UNC13C: variants seen among roughly 807,000 people sequenced by gnomAD.
UNC13C encodes the protein unc-13 homolog C, also known as protein unc-13 homolog C.
A neutral mutation model predicts 245.4 loss-of-function variants in UNC13C; 174 were observed. The observed-to-expected ratio is 0.71, with a 90% CI of 0.63 to 0.80. The LOEUF (loss-of-function observed/expected upper bound fraction) is 0.80, where lower values mean the gene tolerates loss of function less well. UNC13C is among the 30% of genes least tolerant of loss of function. The probability of loss-of-function intolerance (pLI) is 0.00; values close to 1 mark genes in which losing one functional copy is unlikely to be tolerated. For synonymous variants in UNC13C, 992 were observed against 895.1 expected, an observed-to-expected ratio of 1.11 and a Z score of -1.93; for missense variants, 2,829 against 2,602.9, an observed-to-expected ratio of 1.09 and a Z score of -1.89.
chr15:54,232,388 G>A (rs1488196074), intron 4 of UNC13C, among the ~76,000 whole-genome samples: 1 of 152,084 alleles, frequency 6.6e-6, no homozygotes, highest in Non-Finnish European at 1.5e-5. Context: ...TTTGTCCTAG[G>A]TCCTTGGATA....
At chr15:54,553,038 A>G (rs1395084504) in intron 28 of UNC13C, among the ~76,000 whole-genome samples, 1 of 101,360 alleles carries the variant, frequency 9.9e-6, no homozygotes, top group Admixed American at 1.5e-4. Context: ...AATATATAAT[A>G]TATATTGTAT....
In UNC13C at chr15:54,015,185, G is replaced by A. The variant is rs373845201; in HGVS notation, c.2282G>A (p.Arg761Gln). 3.8e-4 allele frequency: 614 copies of A among 1,612,630 alleles called. No individual in the cohort carries two copies. The highest frequency in any genetic ancestry group is 4.9e-4 in the Non-Finnish European group (582 of 1,179,458). ...QNQNQLSMMY[R>Q]SQSELQSDDS... The stretch of plus-strand genomic sequence containing the variant: ...CAAAACCAGTTGTCCATGATGTATC[G>A]AAGTCAAAGTGAATTGCAAAGTGAT... The change falls in exon 2 of 33, where the codon CGA (arginine) becomes CAA (glutamine). Residue 761 changes from arginine to glutamine, a missense_variant. Coordinates refer to ENST00000260323, the MANE Select transcript of UNC13C (RefSeq NM_001080534.3).
intron 4 of UNC13C, among the ~76,000 whole-genome samples, chr15:54,221,106 T>C (rs1475397199): frequency 6.6e-6 from 1 of 152,038 alleles, no homozygotes; most frequent in Non-Finnish European, 1.5e-5. Context: ...ATATTTTCCC[T>C]TCATGTATTG....
chr15:54,049,479 A>G (rs187177786), intron 2 of UNC13C: 21 of 373,604 alleles, frequency 5.6e-5, no homozygotes, highest in Admixed American at 5.4e-4. Flanking sequence ...CTAAGTGTGC[A>G]GAGTTCAAAG....
chr15:54,104,688 G>GTT lies in UNC13C; in HGVS notation c.2984-38321_2984-38320dup, dbSNP rs35275247. Among the ~76,000 whole-genome samples, 58 of 150,154 alleles carry GTT rather than the reference G, an allele frequency of 3.9e-4. 1 individual carries two copies. In the Middle Eastern group the frequency reaches 0.017, roughly 44 times the overall value. On this transcript the variant is annotated intron_variant, in intron 2 of 32. Coordinates refer to ENST00000260323, the MANE Select transcript of UNC13C (RefSeq NM_001080534.3). ...GTTTCTCTAAATAATTATATTTACAGTTTTTTTTTTAAATTCTGCTTCTTA... is the reference window on the plus strand; with the variant it reads ...GTTTCTCTAAATAATTATATTTACAGTTTTTTTTTTTTAAATTCTGCTTCTTA...
downstream of UNC13C, chr15:54,631,040 T>C (rs1856956011): frequency 6.6e-6 from 1 of 152,114 alleles, no homozygotes; most frequent in South Asian, 2.1e-4. Context: ...TAATGCTTAG[T>C]TGTCTATTTT....
At chr15:54,115,537 G>A (rs1455009002) in intron 2 of UNC13C, among the ~76,000 whole-genome samples, 1 of 151,806 alleles carries the variant, frequency 6.6e-6, no homozygotes, top group Non-Finnish European at 1.5e-5. Context: ...TATTTTGGGG[G>A]TACATGTAAT....
chr15:54,325,379 G>A lies in UNC13C; in HGVS notation c.4425+3284G>A, dbSNP rs185638193. Among the ~76,000 whole-genome samples the A allele has an allele frequency of 2.5e-3, 374 of 151,936 alleles. 2 individuals are homozygous for A. Among genetic ancestry groups the A allele is most frequent in the Non-Finnish European group, 4.4e-3 (299 of 67,884 alleles). ...GTTGGGTTATAGCTGACATTTTGTTGGTTTTGTTTTGTATGAATCTTTATA... is the reference window on the plus strand; with the variant it reads ...GTTGGGTTATAGCTGACATTTTGTTAGTTTTGTTTTGTATGAATCTTTATA... On this transcript the variant is annotated intron_variant, in intron 14 of 32. Coordinates refer to ENST00000260323, the MANE Select transcript of UNC13C (RefSeq NM_001080534.3).
At chr15:53,972,012 T>C in the UNC13C span, among the ~76,000 whole-genome samples, 7 of 152,240 alleles carry the variant, frequency 4.6e-5, no homozygotes, top group Non-Finnish European at 1.0e-4. Flanking sequence ...TTTAAATGAC[T>C]ATGGGTTCAT....
chr15:54,316,511 A>G (rs1467234898), intron 13 of UNC13C, among the ~76,000 whole-genome samples: 3 of 151,844 alleles, frequency 2.0e-5, no homozygotes, highest in Admixed American at 1.3e-4. Flanking sequence ...ATTCTAACTG[A>G]GTGTCTTCAT....
intron 19 of UNC13C, among the ~76,000 whole-genome samples, chr15:54,419,301 C>G (rs1567255899): frequency 6.6e-6 from 1 of 152,110 alleles, no homozygotes; most frequent in Non-Finnish European, 1.5e-5. Flanking sequence ...AAAAAGTAAT[C>G]AAATGGAAAG....
chr15:54,587,136 C>T (rs1454489363), intron 30 of UNC13C, among the ~76,000 whole-genome samples: 1 of 152,132 alleles, frequency 6.6e-6, no homozygotes, highest in Admixed American at 6.5e-5. Flanking sequence ...ACTTAGATTT[C>T]AATTTCAAAC....
chr15:54,568,503 G>A (rs552656621), intron 30 of UNC13C, among the ~76,000 whole-genome samples: 1 of 152,150 alleles, frequency 6.6e-6, no homozygotes, highest in East Asian at 1.9e-4. Flanking sequence ...TGTTTCATGT[G>A]TCAAAGTTTC....
chr15:53,937,296 C>G, the UNC13C span, among the ~76,000 whole-genome samples: 2 of 151,958 alleles, frequency 1.3e-5, no homozygotes, highest in African/African-American at 4.8e-5. Flanking sequence ...AGCTTGAAGA[C>G]TATCTTTCTG....
At chr15:54,089,051 C>G (rs547799548) in intron 2 of UNC13C, among the ~76,000 whole-genome samples, 1 of 152,282 alleles carries the variant, frequency 6.6e-6, no homozygotes, top group South Asian at 2.1e-4. Flanking sequence ...CCTGAACATT[C>G]TTAGCGTCCC....
intron 29 of UNC13C, among the ~76,000 whole-genome samples, chr15:54,559,167 C>G (rs1897202034): frequency 3.3e-5 from 5 of 152,012 alleles, no homozygotes; most frequent in Admixed American, 3.3e-4. Flanking sequence ...ATCTGCATTT[C>G]TTGGTATAAG....
chr15:54,201,449 C>CA (rs765839138), intron 4 of UNC13C, among the ~76,000 whole-genome samples: 1 of 151,722 alleles, frequency 6.6e-6, no homozygotes, highest in Non-Finnish European at 1.5e-5. Flanking sequence ...AACAGCATAT[C>CA]AAAAAGATAA....
intron 26 of UNC13C, among the ~76,000 whole-genome samples, chr15:54,538,149 A>C (rs1258544025): frequency 1.4e-5 from 2 of 145,500 alleles, no homozygotes; most frequent in Admixed American, 6.8e-5. Flanking sequence ...AAAAAAAAAA[A>C]AAAAAAAAAA....
chr15:54,628,149 C>CAAATGCAGT lies in UNC13C; in HGVS notation c.*1038_*1046dup, dbSNP rs1214201459. On this transcript the variant is annotated 3_prime_UTR_variant, in exon 33 of 33. Coordinates refer to ENST00000260323, the MANE Select transcript of UNC13C (RefSeq NM_001080534.3). ...TTGTATTTATAAGCCCCAAATGCAT[C>CAAATGCAGT]AAATGCAGTAGGAGAACAATGTAAT... 6.6e-6 allele frequency: 1 copy of CAAATGCAGT among 151,912 alleles called. No homozygotes were observed. The highest frequency in any genetic ancestry group is 1.5e-5 in the Non-Finnish European group (1 of 67,946). The allele number at this position is 151,912 out of a possible 1,614,324, so 9.4% of individuals were successfully genotyped here. A position where few individuals can be genotyped will look rare whatever the true frequency, so the allele number is the denominator to read the frequency against.
Sources: gnomAD v4.1 joint callset for allele counts (sites outside exome capture counted in the v4.1 genomes callset) on GRCh38, gnomAD v4.1.1 for gene constraint, MANE v1.5 for transcripts, NCBI Gene and HGNC (gene_info 2026-07-23, HGNC 2026-07-21) for gene names.